TBC1D4: variants seen among roughly 807,000 people sequenced by gnomAD.
TBC1D4 encodes TBC (Tre-2, BUB2, CDC16) domain-containing protein.
TBC1D4 carries 121 observed loss-of-function variants against 142.5 expected under a neutral mutation model. That is an observed-to-expected ratio of 0.85 (90% CI 0.73 to 0.99). The LOEUF is 0.99. TBC1D4 is among the 50% of genes least tolerant of loss of function. The pLI is 0.00. For synonymous variants in TBC1D4, 630 were observed against 628.2 expected, an observed-to-expected ratio of 1.00 and a Z score of -0.04; for missense variants, 1,475 against 1,606.6, an observed-to-expected ratio of 0.92 and a Z score of 1.40.
chr13:75,364,225 A>G (rs918966552), intron 1 of TBC1D4, among the ~76,000 whole-genome samples: 2 of 152,236 alleles, frequency 1.3e-5, no homozygotes, highest in East Asian at 1.9e-4. Context: ...CCTCCTTGCT[A>G]TTTCTCCAAC....
At position 75,401,484 on chromosome 13, in the gene TBC1D4, G is replaced by A. The variant is rs146560717; in HGVS notation, c.499-38877C>T. On this transcript the variant is annotated intron_variant, in intron 1 of 20. Transcript: ENST00000377636. ...AGCTTTTTCAATAGCTGAAAATAAC[G>A]TATAATCAGAAAGCACAGAGGACTT... is the stretch of plus-strand genomic sequence containing the variant. 2.3e-3 allele frequency among the ~76,000 whole-genome samples: 346 copies of A among 152,264 alleles called. 2 individuals carry two copies. Among genetic ancestry groups the A allele is most frequent in the African/African-American group, 7.7e-3 (319 of 41,564 alleles).
intron 1 of TBC1D4, among the ~76,000 whole-genome samples, chr13:75,421,819 T>A (rs902486430): frequency 7.9e-5 from 12 of 152,248 alleles, no homozygotes; most frequent in African/African-American, 2.4e-4. Flanking sequence ...TAAAAAATAC[T>A]GACTTTAAAG....
intron 1 of TBC1D4, among the ~76,000 whole-genome samples, chr13:75,461,498 C>A (rs1341490194): frequency 6.6e-6 from 1 of 152,106 alleles, no homozygotes; most frequent in Admixed American, 6.5e-5. Flanking sequence ...CTAGCTGTAC[C>A]AAAATTCTCT....
Position 75,326,429 on chromosome 13 carries a change from A to T in TBC1D4, c.1807-6T>A. 6.2e-7 allele frequency: 1 copy of T among 1,614,096 alleles called. No individual in the cohort carries two copies. The highest frequency in any genetic ancestry group is 8.5e-7 in the Non-Finnish European group (1 of 1,179,994). ...GAATCCCCTGGTGAGTAGTCCTGAA[A>T]CACAAGCGGAAGGGAGCCCTTTATT... On this transcript the variant is annotated splice_region_variant and splice_polypyrimidine_tract_variant and intron_variant, in intron 9 of 20. Transcript: ENST00000377636.
rs190316203 is a variant in TBC1D4, at chr13:75,440,951, T to C, written c.498+40319A>G. Among the ~76,000 whole-genome samples, 4 of 152,226 alleles carry C rather than the reference T, an allele frequency of 2.6e-5. No individual in the cohort carries two copies. The East Asian group carries it at 7.7e-4, about 29-fold the overall frequency. Reference sequence around the variant, plus strand: ...CAGGCTGGTGCTGTGCTAAATGCTATGTGATTTTTTTAAAAAAGAGGACAG... The same window carrying C: ...CAGGCTGGTGCTGTGCTAAATGCTACGTGATTTTTTTAAAAAAGAGGACAG... On this transcript the variant is annotated intron_variant, in intron 1 of 20. Transcript: ENST00000377636.
At chr13:75,443,372 T>G in intron 1 of TBC1D4, among the ~76,000 whole-genome samples, 1 of 152,214 alleles carries the variant, frequency 6.6e-6, no homozygotes, top group East Asian at 1.9e-4. Flanking sequence ...CATACAGCAT[T>G]AAATAATGCA....
chr13:75,464,348 C>A (rs1888086438), intron 1 of TBC1D4, among the ~76,000 whole-genome samples: 1 of 152,224 alleles, frequency 6.6e-6, no homozygotes, highest in African/African-American at 2.4e-5. Flanking sequence ...GGTGGAAAAC[C>A]ACTTAAGGCA....
chr13:75,362,668 C>A lies in TBC1D4; in HGVS notation c.499-61G>T. ...AAGTTTTGAGACAATTTACATTTAC[C>A]TAGCCCAATTATTACCACATGGAAT... On this transcript the variant is annotated intron_variant, in intron 1 of 20. Coordinates refer to ENST00000377636, the MANE Select transcript of TBC1D4 (RefSeq NM_014832.5). This position sits in a 1 kb window ranked among gnomAD's most constrained non-coding sequence, Gnocchi z 4.2. 1 of 1,563,584 alleles carries A rather than the reference C, an allele frequency of 6.4e-7. No individual in the cohort carries two copies. The highest frequency in any genetic ancestry group is 1.1e-5 in the South Asian group (1 of 89,760).
intron 18 of TBC1D4, among the ~76,000 whole-genome samples, chr13:75,294,378 C>G (rs1048026665): frequency 6.6e-6 from 1 of 152,148 alleles, no homozygotes; most frequent in Non-Finnish European, 1.5e-5. Context: ...AGCAATGAAA[C>G]AGGATGTAAA....
rs189874964 is a variant in TBC1D4 at position 75,442,546 on chromosome 13, C to T, written c.498+38724G>A. On this transcript the variant is annotated intron_variant, in intron 1 of 20. Coordinates refer to ENST00000377636, the MANE Select transcript of TBC1D4 (RefSeq NM_014832.5). ...GGGAAAAAAAAACATTCTGGGAGGC[C>T]GAGGCAGGCAGATCACAAGGTCAAG... is the stretch of plus-strand genomic sequence containing the variant. Among the ~76,000 whole-genome samples the T allele has an allele frequency of 2.6e-4, 40 of 151,704 alleles. No individual in the cohort carries two copies. The East Asian group carries it at 4.3e-3, about 16-fold the overall frequency.
At chr13:75,480,873 G>A (rs1051657276) in intron 1 of TBC1D4, among the ~76,000 whole-genome samples, 72 of 98,874 alleles carry the variant, frequency 7.3e-4, no homozygotes, top group African/African-American at 2.4e-3. Context: ...GCGCGCACAC[G>A]CACGCACACA....
chr13:75,468,086 C>T (rs1194616019), intron 1 of TBC1D4, among the ~76,000 whole-genome samples: 1 of 152,134 alleles, frequency 6.6e-6, no homozygotes. Context: ...TAAGAAAGGC[C>T]TTAAAAAGCT....
In TBC1D4 at chr13:75,411,988, G is replaced by A. The variant is rs139272717; in HGVS notation, c.499-49381C>T. Among the ~76,000 whole-genome samples the A allele has an allele frequency of 9.3e-3, 1,409 of 152,280 alleles. 27 individuals carry two copies. The highest frequency in any genetic ancestry group is 0.033 in the African/African-American group (1,362 of 41,558). ...AGATTCACTTACTGAAATGTCACTA[G>A]TCTAACTACTACAAATAATAACCAG... On this transcript the variant is annotated intron_variant, in intron 1 of 20. Coordinates refer to ENST00000377636, the MANE Select transcript of TBC1D4 (RefSeq NM_014832.5).
chr13:75,401,964 T>C (rs1232024605), intron 1 of TBC1D4, among the ~76,000 whole-genome samples: 3 of 152,206 alleles, frequency 2.0e-5, no homozygotes, highest in African/African-American at 7.2e-5. Flanking sequence ...TTTGCTGAAG[T>C]GAACACTTCA....
chr13:75,441,654 T>G (rs1887046731), intron 1 of TBC1D4, among the ~76,000 whole-genome samples: 1 of 152,220 alleles, frequency 6.6e-6, no homozygotes, highest in Non-Finnish European at 1.5e-5. Context: ...ACAGCACCTA[T>G]AGAGTTGGAA....
chr13:75,460,742 G>A (rs551618339), intron 1 of TBC1D4, among the ~76,000 whole-genome samples: 8 of 152,086 alleles, frequency 5.3e-5, no homozygotes, highest in Non-Finnish European at 7.4e-5. Flanking sequence ...GCAACACAGC[G>A]AGACCTCATC....
intron 1 of TBC1D4, among the ~76,000 whole-genome samples, chr13:75,412,262 A>G (rs1885706910): frequency 6.6e-6 from 1 of 152,014 alleles, no homozygotes; most frequent in South Asian, 2.1e-4. Context: ...CAGATGGCCT[A>G]AAAGACGTGG....
At chr13:75,319,621 C>T (rs546545101) in intron 12 of TBC1D4, among the ~76,000 whole-genome samples, 10 of 152,246 alleles carry the variant, frequency 6.6e-5, no homozygotes, top group South Asian at 6.2e-4. Context: ...TTTGTGAGTA[C>T]GTTTCTTTTA....
At chr13:75,361,996 C>A (rs774014975) in intron 2 of TBC1D4, 30 bp downstream of exon 2, 1 of 1,613,562 alleles carries the variant, frequency 6.2e-7, no homozygotes, top group East Asian at 2.2e-5. Flanking sequence ...CCTTTTGGGG[C>A]AAGGGCAGAC....
Sources: gnomAD v4.1 joint callset for allele counts (sites outside exome capture counted in the v4.1 genomes callset) on GRCh38, gnomAD v4.1.1 for gene constraint, Gnocchi (gnomAD v3.1) non-coding constraint, MANE v1.5 for transcripts, NCBI Gene and HGNC (gene_info 2026-07-23, HGNC 2026-07-21) for gene names.